ASB3: variants seen among roughly 807,000 people sequenced by gnomAD.
ASB3 encodes the protein ankyrin repeat and SOCS box containing 3, also known as ankyrin repeat and SOCS box protein 3.
In ASB3, 41 loss-of-function variants were observed where a neutral mutation model predicts 54.5. The observed-to-expected ratio is 0.75, with a 90% confidence interval of 0.59 to 0.98. The LOEUF (loss-of-function observed/expected upper bound fraction) is 0.98. ASB3 is among the 50% of genes least tolerant of loss of function. ASB3 has a pLI of 0.00. For synonymous variants in ASB3, 266 were observed against 221.2 expected (o/e 1.20, Z -1.80); for missense variants, 733 against 620.0 (o/e 1.18, Z -1.94).
Position 53,681,953 on chromosome 2 carries a change from T to C in ASB3, c.1370-11263A>G, listed in dbSNP as rs536965325. Among the ~76,000 whole-genome samples, 9 of 151,736 alleles carry C rather than the reference T, an allele frequency of 5.9e-5. No individual in the cohort carries two copies. The East Asian group carries it at 1.7e-3, about 29-fold the overall frequency. The stretch of plus-strand genomic sequence containing the variant: ...GGTGGGTGGATCACAAAGTCAGGAG[T>C]TCGAGACCAGCCTGGCCAATATGGT... On this transcript the variant is annotated intron_variant, in intron 9 of 9. Transcript: ENST00000263634.
chr2:53,760,942 T>C (rs542095699), intron 2 of ASB3, among the ~76,000 whole-genome samples: 17 of 152,202 alleles, frequency 1.1e-4, no homozygotes, highest in Non-Finnish European at 2.2e-4. Context: ...AACAGCCTGC[T>C]AGCCCATGCT....
intron 7 of ASB3, among the ~76,000 whole-genome samples, chr2:53,706,982 A>G (rs575861146): frequency 5.9e-5 from 9 of 152,320 alleles, no homozygotes; most frequent in African/African-American, 2.2e-4. Context: ...AATAAATACT[A>G]TAAGTAACCT....
Position 53,728,727 on chromosome 2 carries a change from T to C in ASB3, c.589A>G (p.Ile197Val), listed in dbSNP as rs1413898917. The C allele has an allele frequency of 3.7e-6, 6 of 1,606,782 alleles. No individual in the cohort carries two copies. The highest frequency in any genetic ancestry group is 1.7e-6 in the Non-Finnish European group (2 of 1,176,590). The change falls in exon 5 of 10, where the codon ATA (isoleucine) becomes GTA (valine). Residue 197 changes from isoleucine to valine, a missense_variant. Coordinates refer to ENST00000263634, the MANE Select transcript of ASB3 (RefSeq NM_016115.5). ...AQYGKLESLS[I>V]LISSGANVNC... ...ATAATCTTACCCGATGAAATAAGTA[T>C]GCTCAAGCTTTCTAGCTTGCCATAC...
chr2:53,696,255 T>A (rs902856374), intron 8 of ASB3, among the ~76,000 whole-genome samples: 14 of 152,210 alleles, frequency 9.2e-5, no homozygotes, highest in Admixed American at 7.9e-4. Flanking sequence ...ATACCGAAAG[T>A]TTCACAACTT....
intron 8 of ASB3, 79 bp from the exon 9 acceptor site, chr2:53,694,093 T>C (rs569209581): frequency 3.3e-6 from 5 of 1,500,176 alleles, no homozygotes; most frequent in Middle Eastern, 1.9e-4. Flanking sequence ...ACCACATACC[T>C]ATTCTTACAA....
intron 1 of ASB3, among the ~76,000 whole-genome samples, chr2:53,782,929 G>A (rs1674733531): frequency 6.6e-6 from 1 of 152,208 alleles, no homozygotes; most frequent in South Asian, 2.1e-4. Flanking sequence ...TGGGATTACA[G>A]AAGCCTGCCA....
intron 3 of ASB3, 96 bp downstream of exon 3, chr2:53,750,684 ATAC>A: frequency 1.6e-6 from 2 of 1,274,960 alleles, no homozygotes; most frequent in Non-Finnish European, 2.0e-6. Context: ...CCAAAAGAAC[ATAC>A]TATAAGCACA....
chr2:53,683,683 C>T (rs1212415633), intron 9 of ASB3, among the ~76,000 whole-genome samples: 4 of 152,060 alleles, frequency 2.6e-5, no homozygotes, highest in Non-Finnish European at 5.9e-5. Flanking sequence ...AGGTTTTGGA[C>T]TTCTTCATTG....
At chr2:53,722,826 A>T (rs1670783616) in intron 5 of ASB3, among the ~76,000 whole-genome samples, 2 of 152,148 alleles carry the variant, frequency 1.3e-5, no homozygotes, top group Non-Finnish European at 2.9e-5. Context: ...CATAGTACTG[A>T]AAGTCCTTGC....
At chr2:53,711,101 G>A (rs746569541) in intron 7 of ASB3, among the ~76,000 whole-genome samples, 4 of 152,180 alleles carry the variant, frequency 2.6e-5, no homozygotes, top group Non-Finnish European at 5.9e-5. Flanking sequence ...ACTGCACTCT[G>A]TGTGGGCAAC....
chr2:53,715,251 C>A (rs1212515339), intron 6 of ASB3, among the ~76,000 whole-genome samples: 1 of 152,006 alleles, frequency 6.6e-6, no homozygotes, highest in African/African-American at 2.4e-5. Context: ...TAGCAGTCAA[C>A]TGGAAAGAAA....
intron 1 of ASB3, among the ~76,000 whole-genome samples, chr2:53,775,349 G>T (rs1674257873): frequency 6.6e-6 from 1 of 152,072 alleles, no homozygotes; most frequent in South Asian, 2.1e-4. Flanking sequence ...TTGTGTGTGT[G>T]TGTGTGTATA....
At chr2:53,770,908 A>G (rs1249041823) in intron 1 of ASB3, among the ~76,000 whole-genome samples, 2 of 152,238 alleles carry the variant, frequency 1.3e-5, no homozygotes, top group Non-Finnish European at 2.9e-5. Flanking sequence ...CACCATTACC[A>G]TATACAGAAA....
chr2:53,725,291 G>A (rs2103887186), intron 5 of ASB3, among the ~76,000 whole-genome samples: 1 of 152,278 alleles, frequency 6.6e-6, no homozygotes, highest in African/African-American at 2.4e-5. Context: ...ATAGAGAGGG[G>A]AGGCAGGGAA....
At position 53,758,022 on chromosome 2, in the gene ASB3, G is replaced by T. The variant is rs374026405; in HGVS notation, c.197-7081C>A. 1.3e-4 allele frequency among the ~76,000 whole-genome samples: 20 copies of T among 152,206 alleles called. No homozygotes were observed. The East Asian group carries it at 1.5e-3, about 12-fold the overall frequency. Reference sequence around the variant, plus strand: ...AGGAGAGAAGAGACAGAGAGAGAGAGAAAAGAGAGGGAGAGAGAGAAAAAG... The same window carrying T: ...AGGAGAGAAGAGACAGAGAGAGAGATAAAAGAGAGGGAGAGAGAGAAAAAG... On this transcript the variant is annotated intron_variant, in intron 2 of 9. Transcript: ENST00000263634.
intron 1 of ASB3, among the ~76,000 whole-genome samples, chr2:53,766,983 A>C (rs1335822522): frequency 1.3e-5 from 2 of 152,234 alleles, no homozygotes; most frequent in Admixed American, 6.5e-5. Context: ...CGAATTTCCT[A>C]AACAATATTT....
intron 9 of ASB3, among the ~76,000 whole-genome samples, chr2:53,682,224 T>G (rs111261383): frequency 0.011 from 1,742 of 152,214 alleles, 38 homozygotes; most frequent in African/African-American, 0.04. Flanking sequence ...ATTGGTATTT[T>G]GATAGGAATT....
Position 53,750,891 on chromosome 2 carries a change from A to C in ASB3, c.247T>G (p.Leu83Val). The change falls in exon 3 of 10, where the codon TTG becomes GTG. Residue 83 changes from leucine (L) to valine (V), a missense_variant. By Grantham distance (32) the Leu-to-Val change is conservative. Coordinates refer to ENST00000263634, the MANE Select transcript of ASB3 (RefSeq NM_016115.5). ...TGTCCTTGACTTGCAGCGAGATGCA[A>C]AGCACAGAAACCTTCAAAGGTCTTC... ...KMKTFEGFCA[L>V]HLAASQGHWK... 1 of 1,602,782 alleles carries C rather than the reference A, an allele frequency of 6.2e-7. No homozygotes were observed. The highest frequency in any genetic ancestry group is 8.5e-7 in the Non-Finnish European group (1 of 1,174,502).
intron 7 of ASB3, among the ~76,000 whole-genome samples, chr2:53,703,664 T>C (rs1381491302): frequency 3.3e-5 from 5 of 152,178 alleles, no homozygotes. Context: ...TTGGTGTTAA[T>C]TGTACTATTT....
Sources: allele counts gnomAD v4.1 joint callset (sites outside exome capture counted in the v4.1 genomes callset), GRCh38; gene constraint gnomAD v4.1.1; transcripts MANE v1.5; gene names NCBI Gene and HGNC (gene_info 2026-07-23, HGNC 2026-07-21).